The following KIF13B variants were observed in gnomAD, a reference collection of about 807,000 sequenced individuals.
The protein encoded by KIF13B is kinesin family member 13B, also known as kinesin-like protein KIF13B.
A neutral mutation model predicts 222.0 loss-of-function variants in KIF13B; 127 were observed. The observed-to-expected ratio is 0.57, with a 90% CI of 0.50 to 0.66. KIF13B has a LOEUF of 0.66. Among genes scored for constraint, KIF13B ranks in the 30% least tolerant of loss-of-function variants. The probability of loss-of-function intolerance (pLI) is 0.00; values close to 1 mark genes in which losing one functional copy is unlikely to be tolerated. For missense variants in KIF13B, 2,173 were observed against 2,379.0 expected, an observed-to-expected ratio of 0.91 and a Z score of 1.80; for synonymous variants, 976 against 919.0, an observed-to-expected ratio of 1.06 and a Z score of -1.12.
At chr8:29,101,398 C>T (rs963687006) in intron 35 of KIF13B, among the ~76,000 whole-genome samples, 1 of 152,102 alleles carries the variant, frequency 6.6e-6, no homozygotes, top group Non-Finnish European at 1.5e-5. Flanking sequence ...TGCGGTCTGT[C>T]CCTCAGGAAA....
At chr8:29,206,916 T>C (rs1252710851) in intron 2 of KIF13B, among the ~76,000 whole-genome samples, 1 of 152,154 alleles carries the variant, frequency 6.6e-6, no homozygotes, top group Non-Finnish European at 1.5e-5. Context: ...GGACGTTTGA[T>C]GGTGACCAAG....
chr8:29,159,051 G>A (rs373431080), intron 13 of KIF13B, among the ~76,000 whole-genome samples: 42 of 152,288 alleles, frequency 2.8e-4, no homozygotes, highest in South Asian at 2.5e-3. Context: ...TAGTCAGCTC[G>A]TTAGCTTTAC....
chr8:29,070,524 G>C lies in KIF13B; in HGVS notation c.5461C>G (p.Arg1821Gly). The C allele has an allele frequency of 1.2e-6, 2 of 1,610,698 alleles. No homozygotes were observed. The highest frequency in any genetic ancestry group is 1.7e-6 in the Non-Finnish European group (2 of 1,178,876). Residue 1821 changes from arginine to glycine, a missense_variant, in exon 40 of 40, where the codon CGG becomes GGG. Physicochemically the swap from Arg to Gly is moderately radical, Grantham distance 125 (BLOSUM62 -2). Coordinates refer to ENST00000524189, the MANE Select transcript of KIF13B (RefSeq NM_015254.4). The surrounding 1 kb of genome is among the most constrained non-coding windows in gnomAD (Gnocchi z 4.1). ...ADRSHKNPEN[R>G]KSWAS is the part of the protein sequence containing the mutation. ...GCGGCTCAGCTGGCCCAGGATTTCC[G>C]GTTCTCAGGGTTCTTGTGGCTCCTG...
rs150339317 is a variant in KIF13B at position 29,114,220 on chromosome 8, T to C, written c.3838-665A>G. Among the ~76,000 whole-genome samples, 442 of 152,206 alleles carry C rather than the reference T, an allele frequency of 2.9e-3. 4 individuals are homozygous for C. The highest frequency in any genetic ancestry group is 0.01 in the Middle Eastern group (3 of 294). ...AAGGTAAAGGGGAGAGCACATGAAA[T>C]GGGCACCGAGCTTTCACCCCATGCA... On this transcript the variant is annotated intron_variant, in intron 31 of 39. Transcript: ENST00000524189.
At chr8:29,254,866 T>C (rs987468401) in intron 1 of KIF13B, among the ~76,000 whole-genome samples, 23 of 152,188 alleles carry the variant, frequency 1.5e-4, no homozygotes, top group Admixed American at 6.5e-5. Flanking sequence ...TCATTCATAA[T>C]AGCCAAAAAT....
chr8:29,130,925 G>A (rs548585411), intron 23 of KIF13B, among the ~76,000 whole-genome samples: 6 of 152,176 alleles, frequency 3.9e-5, no homozygotes, highest in African/African-American at 9.6e-5. Context: ...TTTCAAAGTC[G>A]TTACTCAAAA....
At chr8:29,097,377 T>C (rs1048253200) in intron 36 of KIF13B, among the ~76,000 whole-genome samples, 4 of 152,182 alleles carry the variant, frequency 2.6e-5, no homozygotes, top group Non-Finnish European at 5.9e-5. Context: ...GAAACACATA[T>C]AATTTTCACA....
chr8:29,119,550 C>T (rs1023647514), intron 29 of KIF13B, among the ~76,000 whole-genome samples: 1 of 152,186 alleles, frequency 6.6e-6, no homozygotes, highest in Non-Finnish European at 1.5e-5. Context: ...AGAACATGTA[C>T]CATGCTGACC....
intron 11 of KIF13B, among the ~76,000 whole-genome samples, chr8:29,166,640 G>T (rs1475718808): frequency 6.7e-6 from 1 of 149,202 alleles, no homozygotes; most frequent in Non-Finnish European, 1.5e-5. Context: ...GGAGGCAGAG[G>T]TTGCAGTGAG....
chr8:29,258,835 C>T (rs1330847127), intron 1 of KIF13B, among the ~76,000 whole-genome samples: 1 of 152,174 alleles, frequency 6.6e-6, no homozygotes, highest in Non-Finnish European at 1.5e-5. Context: ...CAGCTGTTTA[C>T]CTTTTAATCT....
In KIF13B at chr8:29,070,574, A is replaced by G. The variant is rs777789673; in HGVS notation, c.5411T>C (p.Leu1804Pro). 344 of 1,604,794 alleles carry G rather than the reference A, an allele frequency of 2.1e-4. No individual in the cohort carries two copies. The highest frequency in any genetic ancestry group is 2.7e-4 in the Non-Finnish European group (319 of 1,176,192). Reference protein sequence around the residue: ...LSGSATNLASLTAALAKADRS... With the variant: ...LSGSATNLASPTAALAKADRS... ...GTCGGCCTTGGCCAGGGCAGCTGTC[A>G]GCGAGGCCAGGTTGGTGGCGGAGCC... is the stretch of plus-strand genomic sequence containing the variant. Residue 1804 changes from leucine to proline, a missense_variant, in exon 40 of 40, where the codon CTG becomes CCG. Leu to Pro is a moderately conservative substitution (Grantham distance 98). Around this residue, in one of 2 missense-constraint regions of KIF13B, gnomAD observed 693 missense variants for 656.2 expected, o/e 1.06. Transcript: ENST00000524189. This position sits in a 1 kb window ranked among gnomAD's most constrained non-coding sequence, Gnocchi z 4.1.
intron 13 of KIF13B, among the ~76,000 whole-genome samples, chr8:29,158,637 T>A (rs190823768): frequency 6.6e-6 from 1 of 152,232 alleles, no homozygotes; most frequent in African/African-American, 2.4e-5. Flanking sequence ...TAATGAATAA[T>A]GCTCAGCCTC....
At chr8:29,252,638 T>C (rs1243527199) in intron 1 of KIF13B, among the ~76,000 whole-genome samples, 1 of 152,242 alleles carries the variant, frequency 6.6e-6, no homozygotes, top group Non-Finnish European at 1.5e-5. Context: ...TGTGATCCTA[T>C]TTTCAACCAA....
chr8:29,075,464 C>A, intron 37 of KIF13B, 121 bp from the exon 38 acceptor site: 1 of 830,566 alleles, frequency 1.2e-6, no homozygotes, highest in Non-Finnish European at 1.8e-6. Flanking sequence ...ATCAGGTGTG[C>A]GAGTGTGAGG....
At chr8:29,181,454 A>T (rs1446297820) in intron 7 of KIF13B, among the ~76,000 whole-genome samples, 2 of 152,204 alleles carry the variant, frequency 1.3e-5, no homozygotes, top group African/African-American at 4.8e-5. Context: ...ACTCTGATAC[A>T]TTTTTTTAAT....
At chr8:29,101,120 C>G (rs1425810017) in intron 35 of KIF13B, among the ~76,000 whole-genome samples, 1 of 152,152 alleles carries the variant, frequency 6.6e-6, no homozygotes, top group African/African-American at 2.4e-5. Context: ...ATGAATCATA[C>G]GCTGATTTAC....
chr8:29,169,681 T>C (rs1812153412), intron 10 of KIF13B, among the ~76,000 whole-genome samples: 1 of 152,228 alleles, frequency 6.6e-6, no homozygotes. Flanking sequence ...GCCATGACTG[T>C]TTGCTTTGCT....
chr8:29,154,765 G>C (rs1227372395), intron 14 of KIF13B, among the ~76,000 whole-genome samples: 6 of 152,176 alleles, frequency 3.9e-5, no homozygotes, highest in African/African-American at 9.7e-5. Context: ...GGGGTTCTGT[G>C]TGATTATTTA....
intron 25 of KIF13B, among the ~76,000 whole-genome samples, 169 bp from the exon 26 acceptor site, chr8:29,126,680 G>A (rs183837272): frequency 2.3e-4 from 35 of 152,258 alleles, no homozygotes; most frequent in South Asian, 1.7e-3. Context: ...CAGTTGTCAG[G>A]AAGTTGGAGC....
Sources: allele counts gnomAD v4.1 joint callset (sites outside exome capture counted in the v4.1 genomes callset), GRCh38; gene constraint gnomAD v4.1.1; regional missense constraint gnomAD v4.1.1; non-coding constraint Gnocchi (gnomAD v3.1); transcripts MANE v1.5; gene names NCBI Gene and HGNC (gene_info 2026-07-23, HGNC 2026-07-21).